Variants in SORCS2 observed in about 807,000 individuals in gnomAD.
SORCS2 encodes the protein VPS10 domain-containing receptor SorCS2.
Under a neutral mutation model 141.6 loss-of-function variants are expected in SORCS2, and 100 were observed. The observed-to-expected ratio is 0.71, with a 90% CI of 0.60 to 0.83. The LOEUF (loss-of-function observed/expected upper bound fraction) is 0.83. Ranked by LOEUF, SORCS2 falls within the 40% of genes least tolerant of loss-of-function variation. The pLI, the probability that SORCS2 is intolerant of heterozygous loss-of-function variation, is 0.00. For missense variants in SORCS2, 1,646 were observed against 1,560.2 expected (o/e 1.05, Z -0.93); for synonymous variants, 789 against 676.9 (o/e 1.17, Z -2.57).
chr4:7,724,497 GACAAT>G (rs1726932725), intron 19 of SORCS2, among the ~76,000 whole-genome samples: 1 of 134,000 alleles, frequency 7.5e-6, no homozygotes, highest in Non-Finnish European at 1.6e-5. Flanking sequence ...TGGTGGTGGT[GACAAT>G]GGTGGTGGTG....
chr4:7,639,825 G>A (rs4689150), intron 4 of SORCS2, among the ~76,000 whole-genome samples: 147,149 of 150,770 alleles, frequency 0.98, 71,909 homozygotes, highest in Middle Eastern at 1. Context: ...GTGAGGGTGT[G>A]TTTTAGTGTG....
intron 3 of SORCS2, among the ~76,000 whole-genome samples, chr4:7,583,743 C>A (rs1716339946): frequency 6.6e-6 from 1 of 152,172 alleles, no homozygotes; most frequent in Non-Finnish European, 1.5e-5. Flanking sequence ...ACTGTGAGTC[C>A]ATTAAACCTC....
At chr4:7,588,523 G>A (rs1457745214) in intron 3 of SORCS2, among the ~76,000 whole-genome samples, 2 of 152,212 alleles carry the variant, frequency 1.3e-5, no homozygotes, top group Non-Finnish European at 2.9e-5. Flanking sequence ...TTTTGAATCT[G>A]CTGAATGGCA....
intron 1 of SORCS2, among the ~76,000 whole-genome samples, chr4:7,385,149 G>A (rs7439499): frequency 0.86 from 130,186 of 152,104 alleles, 56,631 homozygotes; most frequent in Non-Finnish European, 0.94. Context: ...AGGGTGGGCA[G>A]CGGCATTGGC....
chr4:7,665,716 C>T (rs987692175), intron 7 of SORCS2, among the ~76,000 whole-genome samples: 14 of 152,190 alleles, frequency 9.2e-5, no homozygotes, highest in Non-Finnish European at 1.9e-4. Flanking sequence ...TCTGAACCCC[C>T]CACCTGCTTT....
rs1726962218 is a variant in SORCS2, at chr4:7,193,285, G to A, written c.480+159G>A. Among the ~76,000 whole-genome samples, 1 of 152,194 alleles carries A rather than the reference G, an allele frequency of 6.6e-6. No individual in the cohort carries two copies. Among genetic ancestry groups the A allele is most frequent in the Non-Finnish European group, 1.5e-5 (1 of 68,030 alleles). On this transcript the variant is annotated intron_variant, in intron 1 of 26. Transcript: ENST00000507866. This position sits in a 1 kb window ranked among gnomAD's most constrained non-coding sequence, Gnocchi z 4.8. ...GGGTCACCTCGGCCGCGCCCCTACT[G>A]GCCTCTGGTCACTGGTTACTTGGGG...
chr4:7,571,676 C>T (rs887393866), intron 3 of SORCS2, among the ~76,000 whole-genome samples: 7 of 151,874 alleles, frequency 4.6e-5, no homozygotes, highest in African/African-American at 1.7e-4. Context: ...GGGAGGGAGC[C>T]CGAAGAAATT....
At chr4:7,309,796 C>G (rs992021124) in intron 1 of SORCS2, among the ~76,000 whole-genome samples, 1 of 152,106 alleles carries the variant, frequency 6.6e-6, no homozygotes, top group Admixed American at 6.5e-5. Context: ...GGGGAGAGGG[C>G]CTGAGGCCCG....
At chr4:7,476,671 G>T (rs143666920) in intron 2 of SORCS2, among the ~76,000 whole-genome samples, 5,027 of 152,264 alleles carry the variant, frequency 0.033, 110 homozygotes, top group Non-Finnish European at 0.052. Flanking sequence ...CCCCAAGTCA[G>T]CAGGGCGGCC....
At chr4:7,604,093 T>C (rs1183819474) in intron 3 of SORCS2, among the ~76,000 whole-genome samples, 2 of 152,070 alleles carry the variant, frequency 1.3e-5, no homozygotes, top group Non-Finnish European at 2.9e-5. Flanking sequence ...TGTGTGTGTG[T>C]ACTTTTCTCC....
At chr4:7,389,578 T>C (rs998444366) in intron 1 of SORCS2, among the ~76,000 whole-genome samples, 1 of 152,180 alleles carries the variant, frequency 6.6e-6, no homozygotes, top group Non-Finnish European at 1.5e-5. Flanking sequence ...TGACACTCCC[T>C]GTGTGCCGGC....
At chr4:7,401,337 G>A (rs1449785732) in intron 2 of SORCS2, among the ~76,000 whole-genome samples, 5 of 151,952 alleles carry the variant, frequency 3.3e-5, no homozygotes, top group Admixed American at 1.3e-4. Flanking sequence ...ATAAATAGAT[G>A]GGTGGATGGA....
At chr4:7,376,987 G>C (rs1722698625) in intron 1 of SORCS2, among the ~76,000 whole-genome samples, 1 of 152,112 alleles carries the variant, frequency 6.6e-6, no homozygotes, top group Non-Finnish European at 1.5e-5. Context: ...TCTGCACTGG[G>C]ATTCGGGCTG....
chr4:7,333,742 A>C (rs2108972231), intron 1 of SORCS2, among the ~76,000 whole-genome samples: 1 of 152,322 alleles, frequency 6.6e-6, no homozygotes, highest in African/African-American at 2.4e-5. Flanking sequence ...AGTTATAAGA[A>C]GGCAGCTGTG....
chr4:7,535,916 T>C (rs1712085888), intron 3 of SORCS2, among the ~76,000 whole-genome samples: 1 of 152,238 alleles, frequency 6.6e-6, no homozygotes, highest in Non-Finnish European at 1.5e-5. Context: ...CACCTCTGTG[T>C]TTAGAGAACA....
rs374036671 is a variant in SORCS2 at position 7,725,206 on chromosome 4, G to A, written c.2664G>A (p.Gln888=). 1.5e-5 allele frequency: 25 copies of A among 1,613,470 alleles called. No individual in the cohort carries two copies. The highest frequency in any genetic ancestry group is 1.7e-5 in the Non-Finnish European group (20 of 1,179,662). ...TGGTTCCTGTCATTGGCCTCAACCA[G>A]GAGGTGAACCTCACAGCTGTGCTGC... ...LEVVPVIGLN[Q]EVNLTAVLLP... is the part of the protein sequence containing the mutation. The change falls in exon 20 of 27, where the codon CAG becomes CAA. Residue 888 remains glutamine (Q), a synonymous_variant. Transcript: ENST00000507866.
At chr4:7,642,628 G>T (rs1720821230) in intron 4 of SORCS2, among the ~76,000 whole-genome samples, 2 of 152,216 alleles carry the variant, frequency 1.3e-5, no homozygotes, top group African/African-American at 4.8e-5. Context: ...CAAATCTGGT[G>T]TATTAGGCAG....
At chr4:7,579,533 T>C (rs536916936) in intron 3 of SORCS2, among the ~76,000 whole-genome samples, 1 of 152,284 alleles carries the variant, frequency 6.6e-6, no homozygotes, top group South Asian at 2.1e-4. Flanking sequence ...CCCTTGGTCC[T>C]CCGACCTCCT....
intron 3 of SORCS2, among the ~76,000 whole-genome samples, chr4:7,614,150 TACCCATCCACCCATCCACCATCC>T (rs1243985062): frequency 1.3e-5 from 2 of 149,634 alleles, no homozygotes; most frequent in Non-Finnish European, 3.0e-5. Context: ...TCCATCCCTC[TACCCATCCACCCATCCACCATCC>T]ACCCATCAAT....
Sources: allele counts gnomAD v4.1 joint callset (sites outside exome capture counted in the v4.1 genomes callset), GRCh38; gene constraint gnomAD v4.1.1; non-coding constraint Gnocchi (gnomAD v3.1); transcripts MANE v1.5; gene names NCBI Gene and HGNC (gene_info 2026-07-23, HGNC 2026-07-21).